LRP1B: variants seen among roughly 807,000 people sequenced by gnomAD.
LRP1B encodes the protein low-density lipoprotein receptor-related protein 1B.
A neutral mutation model predicts 556.6 loss-of-function variants in LRP1B; 217 were observed. The ratio of observed to expected loss-of-function variants is 0.39; its 90% CI spans 0.35 to 0.44. The LOEUF (loss-of-function observed/expected upper bound fraction) is 0.44. LRP1B is among the 20% of genes least tolerant of loss of function. The pLI is 1.00. For synonymous variants in LRP1B, 2,047 were observed against 1,865.8 expected, an observed-to-expected ratio of 1.10 and a Z score of -2.50; for missense variants, 5,053 against 5,620.8, an observed-to-expected ratio of 0.90 and a Z score of 3.23.
chr2:140,471,567 A>G lies in LRP1B; in HGVS notation c.9625+3571T>C, dbSNP rs78224827. 5.4e-3 allele frequency among the ~76,000 whole-genome samples: 828 copies of G among 152,296 alleles called. 6 individuals are homozygous for G. Among genetic ancestry groups the G allele is most frequent in the Middle Eastern group, 0.048 (14 of 294 alleles). ...ATTTCTAAGCTTACATATATCTCCA[A>G]TTTGATCTACTACATAACTATTGAA... On this transcript the variant is annotated intron_variant, in intron 60 of 90. Coordinates refer to ENST00000389484, the MANE Select transcript of LRP1B (RefSeq NM_018557.3).
chr2:141,449,951 A>G (rs1681353530), intron 3 of LRP1B, among the ~76,000 whole-genome samples: 1 of 152,186 alleles, frequency 6.6e-6, no homozygotes, highest in Admixed American at 6.5e-5. Flanking sequence ...AGATATGACA[A>G]TCAAAAATAT....
intron 3 of LRP1B, among the ~76,000 whole-genome samples, chr2:141,361,284 T>C (rs941679924): frequency 8.5e-5 from 13 of 152,150 alleles, no homozygotes; most frequent in African/African-American, 3.1e-4. Context: ...TATCTTTTAT[T>C]CACATTTAAA....
At chr2:141,003,081 T>C (rs77809563) in intron 15 of LRP1B, among the ~76,000 whole-genome samples, 2,347 of 152,078 alleles carry the variant, frequency 0.015, 28 homozygotes, top group Non-Finnish European at 0.023. Context: ...CAATGTCCAA[T>C]TGTTATGTCT....
chr2:142,069,525 C>A (rs1439428544), intron 1 of LRP1B, among the ~76,000 whole-genome samples: 1 of 151,558 alleles, frequency 6.6e-6, no homozygotes, highest in Non-Finnish European at 1.5e-5. Flanking sequence ...TTGCCACTTA[C>A]TGAAACTGAC....
chr2:140,657,198 GT>G (rs1436804882), intron 41 of LRP1B, among the ~76,000 whole-genome samples: 1 of 145,592 alleles, frequency 6.9e-6, no homozygotes, highest in Non-Finnish European at 1.5e-5. Context: ...AAACATAAAA[GT>G]AAAAAAAAAA....
intron 6 of LRP1B, among the ~76,000 whole-genome samples, chr2:141,203,842 C>T (rs1682149744): frequency 6.6e-6 from 1 of 152,156 alleles, no homozygotes; most frequent in South Asian, 2.1e-4. Flanking sequence ...TCTCAGACCA[C>T]AGTGCAATCA....
intron 11 of LRP1B, among the ~76,000 whole-genome samples, chr2:141,034,814 C>A (rs953746503): frequency 6.7e-6 from 1 of 149,260 alleles, no homozygotes; most frequent in African/African-American, 2.5e-5. Context: ...CCTCAGGGAT[C>A]TAGAAGTAGA....
At chr2:141,703,038 T>C (rs1003636633) in intron 2 of LRP1B, among the ~76,000 whole-genome samples, 4 of 151,928 alleles carry the variant, frequency 2.6e-5, no homozygotes, top group African/African-American at 4.8e-5. Flanking sequence ...AATCTGATTA[T>C]ATATAATAGG....
chr2:141,461,329 A>G (rs898410995), intron 3 of LRP1B, among the ~76,000 whole-genome samples: 6 of 152,192 alleles, frequency 3.9e-5, no homozygotes, highest in Admixed American at 6.6e-5. Flanking sequence ...ACCAATGGTT[A>G]TACCAATACA....
intron 78 of LRP1B, 59 bp downstream of exon 78, chr2:140,335,556 A>G (rs1681042501): frequency 3.9e-6 from 4 of 1,025,900 alleles, no homozygotes; most frequent in Non-Finnish European, 6.2e-6. Context: ...TCTATAGAGC[A>G]TAATTTCTAA....
At chr2:140,969,086 G>T (rs1277701236) in intron 18 of LRP1B, among the ~76,000 whole-genome samples, 1 of 152,258 alleles carries the variant, frequency 6.6e-6, no homozygotes, top group Admixed American at 6.5e-5. Flanking sequence ...GGATATCCTT[G>T]TTAACTTTCT....
At chr2:141,747,140 G>T (rs191441855) in intron 2 of LRP1B, among the ~76,000 whole-genome samples, 46 of 152,242 alleles carry the variant, frequency 3.0e-4, no homozygotes, top group African/African-American at 1.1e-3. Flanking sequence ...TGACTGGAGA[G>T]AATATTCTTT....
intron 43 of LRP1B, among the ~76,000 whole-genome samples, chr2:140,558,580 G>A (rs1680816985): frequency 6.6e-6 from 1 of 152,076 alleles, no homozygotes; most frequent in Admixed American, 6.6e-5. Flanking sequence ...GGTTGCTTAG[G>A]GCTGAGGGGA....
intron 7 of LRP1B, among the ~76,000 whole-genome samples, chr2:141,134,669 A>T (rs1401804398): frequency 6.6e-6 from 1 of 151,768 alleles, no homozygotes; most frequent in Non-Finnish European, 1.5e-5. Context: ...GAAAAAAGTA[A>T]AGTACAGATC....
At chr2:140,840,789 ATTTAC>A in intron 30 of LRP1B, 124 bp downstream of exon 30, 1 of 622,146 alleles carries the variant, frequency 1.6e-6, no homozygotes, top group Non-Finnish European at 2.6e-6. Context: ...CAGTTTCCAT[ATTTAC>A]TTTTTTTTTA....
intron 18 of LRP1B, among the ~76,000 whole-genome samples, chr2:140,979,521 C>T (rs564680564): frequency 2.6e-5 from 4 of 152,162 alleles, no homozygotes; most frequent in African/African-American, 9.6e-5. Context: ...TGCATATCAT[C>T]CTAATTCCAC....
chr2:141,809,322 T>C (rs534188304), intron 2 of LRP1B, among the ~76,000 whole-genome samples: 1 of 152,164 alleles, frequency 6.6e-6, no homozygotes, highest in Admixed American at 6.6e-5. Context: ...AAGATGAAAA[T>C]GGAAAATGAA....
intron 41 of LRP1B, chr2:140,683,474 G>T: frequency 1.8e-6 from 1 of 563,422 alleles, no homozygotes. Context: ...TTGGGGCACA[G>T]CTGACCCAAG....
intron 21 of LRP1B, among the ~76,000 whole-genome samples, chr2:140,918,957 TA>T (rs1343021756): frequency 2.6e-5 from 4 of 152,020 alleles, no homozygotes; most frequent in African/African-American, 9.7e-5. Flanking sequence ...CACCTTTTCC[TA>T]TTGCAACTAT....
Sources: gnomAD v4.1 joint callset for allele counts (sites outside exome capture counted in the v4.1 genomes callset) on GRCh38, gnomAD v4.1.1 for gene constraint, MANE v1.5 for transcripts, NCBI Gene and HGNC (gene_info 2026-07-23, HGNC 2026-07-21) for gene names.